Variants in RABGAP1 observed in about 807,000 individuals in gnomAD.
The protein encoded by RABGAP1 is rab GTPase-activating protein 1.
In RABGAP1, 23 loss-of-function variants were observed where a neutral mutation model predicts 137.6. The ratio of observed to expected loss-of-function variants is 0.17; its 90% confidence interval spans 0.12 to 0.24. RABGAP1 has a LOEUF of 0.24. Among genes scored for constraint, RABGAP1 ranks in the 10% least tolerant of loss-of-function variants. The pLI is 1.00. For synonymous variants in RABGAP1, 451 were observed against 450.7 expected (o/e 1.00, Z -0.01); for missense variants, 906 against 1,275.8 (o/e 0.71, Z 4.42).
At chr9:123,010,810 T>A (rs920216258) in intron 11 of RABGAP1, among the ~76,000 whole-genome samples, 10 of 152,180 alleles carry the variant, frequency 6.6e-5, no homozygotes, top group African/African-American at 2.4e-4. Flanking sequence ...CATTTTTTTT[T>A]AGAACAAGTT....
In RABGAP1 at chr9:123,042,687, C is replaced by T. The variant is rs147668100; in HGVS notation, c.1794+22228C>T. Among the ~76,000 whole-genome samples, 411 of 152,082 alleles carry T rather than the reference C, an allele frequency of 2.7e-3. 2 individuals carry two copies. The highest frequency in any genetic ancestry group is 4.5e-3 in the Non-Finnish European group (305 of 67,992). On this transcript the variant is annotated intron_variant, in intron 13 of 25. Transcript: ENST00000373647. Reference sequence around the variant, plus strand: ...AAAATAGATGAAAAAGCAAAACAGTCGGAGGTTTAATCAGGGAACCCAATA... The same window carrying T: ...AAAATAGATGAAAAAGCAAAACAGTTGGAGGTTTAATCAGGGAACCCAATA...
intron 14 of RABGAP1, among the ~76,000 whole-genome samples, chr9:123,067,289 C>T (rs2034207658): frequency 6.6e-6 from 1 of 152,238 alleles, no homozygotes; most frequent in Non-Finnish European, 1.5e-5. Context: ...TTCATTCTCT[C>T]TCTTCACTGC....
intron 8 of RABGAP1, 99 bp from the exon 9 acceptor site, chr9:122,997,160 A>G (rs914668011): frequency 1.3e-5 from 10 of 796,392 alleles, no homozygotes; most frequent in Non-Finnish European, 2.0e-5. Context: ...CCATATTCTT[A>G]TATTTTTGCA....
intron 10 of RABGAP1, among the ~76,000 whole-genome samples, chr9:123,009,751 G>A (rs1181496748): frequency 6.6e-6 from 1 of 152,036 alleles, no homozygotes; most frequent in Non-Finnish European, 1.5e-5. Context: ...CAACATTTTT[G>A]TGGTTACTGT....
intron 13 of RABGAP1, among the ~76,000 whole-genome samples, chr9:123,044,867 C>T (rs984008067): frequency 1.3e-5 from 2 of 152,010 alleles, no homozygotes; most frequent in Non-Finnish European, 2.9e-5. Context: ...ACCCCAGACC[C>T]CCTCCTTGAA....
In RABGAP1 at chr9:123,089,953, T is replaced by C; in HGVS notation, c.2517+103T>C. The C allele has an allele frequency of 3.8e-6, 4 of 1,055,198 alleles. No individual in the cohort carries two copies. In the Admixed American group the frequency reaches 1.0e-4, roughly 27 times the overall value. 65.4% of individuals were successfully genotyped at this position (1,055,198 alleles called of 1,614,324 possible). On this transcript the variant is annotated intron_variant, in intron 20 of 25. Coordinates refer to ENST00000373647, the MANE Select transcript of RABGAP1 (RefSeq NM_012197.4). ...TGAGTCCTTTTTAAAATTCAATTCC[T>C]CTGTAGGTTCAGGTTTGAGTTTGCA... is the stretch of plus-strand genomic sequence containing the variant.
chr9:122,950,384 T>C (rs574796818), intron 1 of RABGAP1, among the ~76,000 whole-genome samples: 34 of 141,170 alleles, frequency 2.4e-4, no homozygotes, highest in Middle Eastern at 3.6e-3. Context: ...TTTCTTTTTT[T>C]TTTTTTTTTT....
At chr9:123,048,408 T>C (rs540610089) in intron 13 of RABGAP1, among the ~76,000 whole-genome samples, 1 of 152,366 alleles carries the variant, frequency 6.6e-6, no homozygotes, top group African/African-American at 2.4e-5. Flanking sequence ...TTTAAAAATA[T>C]AACTTGAGCA....
At chr9:123,016,088 A>G (rs1167131912) in intron 12 of RABGAP1, among the ~76,000 whole-genome samples, 1 of 152,174 alleles carries the variant, frequency 6.6e-6, no homozygotes, top group Non-Finnish European at 1.5e-5. Flanking sequence ...TACCTGCTCT[A>G]TCGATTACTA....
rs201234496 is a variant in RABGAP1, at chr9:122,989,301, T to G, written c.595T>G (p.Leu199Val). The change falls in exon 5 of 26, where the codon TTA (leucine) becomes GTA (valine). Residue 199 changes from leucine (L) to valine (V), a missense_variant. By Grantham distance (32) the Leu-to-Val change is conservative. Coordinates refer to ENST00000373647, the MANE Select transcript of RABGAP1 (RefSeq NM_012197.4). Reference sequence around the variant, plus strand: ...TGTATCTTTTTCTCTGAACAGACTCTTAGATCCTCAGACAAACACTGAAAT... The same window carrying G: ...TGTATCTTTTTCTCTGAACAGACTCGTAGATCCTCAGACAAACACTGAAAT... ...PNVSEGIVRLLDPQTNTEIAN... is the reference protein window; with the variant it reads ...PNVSEGIVRLVDPQTNTEIAN... The G allele has an allele frequency of 1.9e-6, 3 of 1,612,114 alleles. No individual in the cohort carries two copies. The East Asian group carries it at 6.7e-5, about 36-fold the overall frequency.
At chr9:122,943,146 C>T (rs1434336944) in intron 1 of RABGAP1, among the ~76,000 whole-genome samples, 1 of 138,434 alleles carries the variant, frequency 7.2e-6, no homozygotes, top group Non-Finnish European at 1.5e-5. Context: ...GTGATCTTGG[C>T]TCACTGCAAC....
At chr9:123,036,350 G>T (rs543794740) in intron 13 of RABGAP1, among the ~76,000 whole-genome samples, 2 of 152,198 alleles carry the variant, frequency 1.3e-5, no homozygotes, top group Admixed American at 6.5e-5. Flanking sequence ...AGAAGTAATC[G>T]TGTAGTACTT....
At chr9:122,997,475 A>C in intron 9 of RABGAP1, 114 bp downstream of exon 9, 1 of 618,540 alleles carries the variant, frequency 1.6e-6, no homozygotes, top group Admixed American at 3.7e-5. Flanking sequence ...GATGAAACCG[A>C]AGAATTTGAA....
intron 2 of RABGAP1, among the ~76,000 whole-genome samples, chr9:122,974,068 T>C (rs1835627881): frequency 6.6e-6 from 1 of 152,146 alleles, no homozygotes; most frequent in Non-Finnish European, 1.5e-5. Context: ...GCAGATCTTT[T>C]ATTCAGCAAA....
At chr9:122,943,598 A>G (rs1223940076) in intron 1 of RABGAP1, among the ~76,000 whole-genome samples, 1 of 152,172 alleles carries the variant, frequency 6.6e-6, no homozygotes, top group Non-Finnish European at 1.5e-5. Context: ...CACTTTATCT[A>G]CATGAGGGGC....
chr9:123,042,285 A>G (rs1253187623), intron 13 of RABGAP1, among the ~76,000 whole-genome samples: 4 of 152,196 alleles, frequency 2.6e-5, no homozygotes, highest in Non-Finnish European at 4.4e-5. Flanking sequence ...CATCCCACCC[A>G]TGCACACAGA....
intron 22 of RABGAP1, among the ~76,000 whole-genome samples, chr9:123,098,277 G>A (rs1253080242): frequency 1.3e-5 from 2 of 152,234 alleles, no homozygotes; most frequent in Non-Finnish European, 1.5e-5. Flanking sequence ...GGTGCTGTGC[G>A]CCTGGGAGCA....
chr9:123,057,140 G>C (rs1588348425), intron 13 of RABGAP1, among the ~76,000 whole-genome samples: 1 of 151,104 alleles, frequency 6.6e-6, no homozygotes, highest in African/African-American at 2.4e-5. Context: ...CGGGGCGGCT[G>C]GCCTGGCGGG....
chr9:122,999,519 C>T (rs912096071), intron 10 of RABGAP1, among the ~76,000 whole-genome samples: 1 of 151,930 alleles, frequency 6.6e-6, no homozygotes, highest in Non-Finnish European at 1.5e-5. Flanking sequence ...GATGAGAAGT[C>T]AGCATTCATT....
Sources: gnomAD v4.1 joint callset for allele counts (sites outside exome capture counted in the v4.1 genomes callset) on GRCh38, gnomAD v4.1.1 for gene constraint, MANE v1.5 for transcripts, NCBI Gene and HGNC (gene_info 2026-07-23, HGNC 2026-07-21) for gene names.